The following VPS13A variants were observed in gnomAD, a reference collection of about 807,000 sequenced individuals.
VPS13A encodes intermembrane lipid transfer protein VPS13A.
Under a neutral mutation model 390.9 loss-of-function variants are expected in VPS13A, and 264 were observed. The ratio of observed to expected loss-of-function variants is 0.68; its 90% CI spans 0.61 to 0.75. The LOEUF is 0.75. Among genes scored for constraint, VPS13A ranks in the 30% least tolerant of loss-of-function variants. The pLI, the probability that VPS13A is intolerant of heterozygous loss-of-function variation, is 0.00. For synonymous variants in VPS13A, 1,231 were observed against 1,227.1 expected (o/e 1.00, Z -0.07); for missense variants, 3,409 against 3,733.9 (o/e 0.91, Z 2.27).
intron 67 of VPS13A, among the ~76,000 whole-genome samples, chr9:77,380,984 T>C (rs1260897559): frequency 5.3e-5 from 8 of 152,224 alleles, no homozygotes; most frequent in Admixed American, 5.2e-4. Context: ...GGACCGGTAC[T>C]GGTTCAAGTC....
In VPS13A at chr9:77,297,690, C is replaced by T. The variant is rs952351123; in HGVS notation, c.3812+1844C>T. ...GCATTTATTAAGCACCAAATCTATCCCAGGCATTGTGCTAAGAATAAGAAA... is the reference window on the plus strand; with the variant it reads ...GCATTTATTAAGCACCAAATCTATCTCAGGCATTGTGCTAAGAATAAGAAA... On this transcript the variant is annotated intron_variant, in intron 33 of 71. Transcript: ENST00000360280. Among the ~76,000 whole-genome samples, 3 of 151,216 alleles carry T rather than the reference C, an allele frequency of 2.0e-5. No homozygotes were observed. In the Admixed American group the frequency reaches 2.0e-4, roughly 10 times the overall value.
At chr9:77,328,476 C>T (rs1302595190) in intron 45 of VPS13A, among the ~76,000 whole-genome samples, 1 of 152,244 alleles carries the variant, frequency 6.6e-6, no homozygotes, top group Non-Finnish European at 1.5e-5. Flanking sequence ...AGCTTTGAAG[C>T]TAAGCATTGA....
chr9:77,287,712 T>C (rs1827414313), intron 31 of VPS13A, among the ~76,000 whole-genome samples: 1 of 152,188 alleles, frequency 6.6e-6, no homozygotes, highest in Admixed American at 6.5e-5. Context: ...ATCTGAGCTG[T>C]GGATTTGAGC....
chr9:77,401,530 C>T (rs555257290), intron 68 of VPS13A, among the ~76,000 whole-genome samples: 1 of 152,192 alleles, frequency 6.6e-6, no homozygotes, highest in Admixed American at 6.5e-5. Flanking sequence ...ATTAAACTTA[C>T]ATGTAAATAT....
intron 31 of VPS13A, among the ~76,000 whole-genome samples, chr9:77,289,076 T>G (rs1293320180): frequency 6.6e-6 from 1 of 152,148 alleles, no homozygotes; most frequent in East Asian, 1.9e-4. Flanking sequence ...CTTTAGCTTT[T>G]AATGGATGTT....
chr9:77,409,072 C>T (rs967575777), intron 71 of VPS13A, among the ~76,000 whole-genome samples: 4 of 152,210 alleles, frequency 2.6e-5, no homozygotes, highest in Non-Finnish European at 5.9e-5. Flanking sequence ...ACACCTCACA[C>T]GGCCAGGTAC....
chr9:77,303,110 A>G (rs548340283), intron 34 of VPS13A, 48 bp downstream of exon 34: 95 of 1,605,128 alleles, frequency 5.9e-5, no homozygotes, highest in Non-Finnish European at 7.9e-5. Flanking sequence ...TTGTTGAAAA[A>G]TACTGCTTGG....
chr9:77,351,413 T>G lies in VPS13A; in HGVS notation c.7386T>G (p.Cys2462Trp). ...GCTCTAGAAGGCTGAAGTGGAGATG[T>G]AGAAAAAGCCATGGTGAAGTAACAC... is the stretch of plus-strand genomic sequence containing the variant. ...PVGSRRLKWR[C>W]RKSHGEVTQK... Residue 2462 changes from cysteine to tryptophan, a missense_variant, in exon 53 of 72, where the codon TGT becomes TGG. Cys to Trp is a radical substitution (Grantham distance 215). Around this residue, in one of 5 missense-constraint regions of VPS13A, gnomAD observed 2,717 missense variants for 2,917.4 expected, o/e 0.93. Transcript: ENST00000360280. The G allele has an allele frequency of 6.2e-7, 1 of 1,613,918 alleles. No homozygotes were observed. Among genetic ancestry groups the G allele is most frequent in the Non-Finnish European group, 8.5e-7 (1 of 1,179,850 alleles).
intron 33 of VPS13A, among the ~76,000 whole-genome samples, chr9:77,302,364 T>C (rs998607146): frequency 5.7e-5 from 8 of 140,276 alleles, no homozygotes; most frequent in African/African-American, 1.9e-4. Context: ...TACATATTTT[T>C]CCCCTTTTTT....
At chr9:77,207,241 A>ATG (rs1564630374) in intron 5 of VPS13A, among the ~76,000 whole-genome samples, 3,625 of 110,686 alleles carry the variant, frequency 0.033, 291 homozygotes, top group East Asian at 0.13. Flanking sequence ...ATATATATAT[A>ATG]TATATATATA....
intron 47 of VPS13A, 126 bp from the exon 48 acceptor site, chr9:77,339,390 C>A: frequency 1.1e-6 from 1 of 872,012 alleles, no homozygotes; most frequent in Non-Finnish European, 1.7e-6. Flanking sequence ...TGTAAGTCTT[C>A]TGACTTGTTC....
chr9:77,397,376 A>G (rs1587717386), intron 68 of VPS13A, among the ~76,000 whole-genome samples: 1 of 152,012 alleles, frequency 6.6e-6, no homozygotes, highest in African/African-American at 2.4e-5. Flanking sequence ...CATGAGTCAG[A>G]TATTGATTAG....
Position 77,314,560 on chromosome 9 carries a change from A to C in VPS13A, c.4308A>C (p.Ile1436=), listed in dbSNP as rs766337714. The part of the protein sequence containing the change: ...KLAEFKLENI[I]STLKMYTDGS... Reference sequence around the variant, plus strand: ...CTGAATTTAAATTGGAGAATATTATAAGTACTTTAAAAATGTATACAGATG... The same window carrying C: ...CTGAATTTAAATTGGAGAATATTATCAGTACTTTAAAAATGTATACAGATG... Residue 1436 remains isoleucine, a synonymous_variant, in exon 37 of 72, where the codon ATA becomes ATC. Coordinates refer to ENST00000360280, the MANE Select transcript of VPS13A (RefSeq NM_033305.3). The C allele has an allele frequency of 1.2e-6, 2 of 1,610,904 alleles. No homozygotes were observed. Among genetic ancestry groups the C allele is most frequent in the South Asian group, 2.2e-5 (2 of 90,928 alleles).
At chr9:77,195,673 G>A (rs898807994) in intron 1 of VPS13A, among the ~76,000 whole-genome samples, 3 of 152,246 alleles carry the variant, frequency 2.0e-5, no homozygotes, top group Admixed American at 1.3e-4. Flanking sequence ...GGAGGCGGAG[G>A]TTGCAGTGAG....
At position 77,390,572 on chromosome 9, in the gene VPS13A, G is replaced by A. The variant is rs117283280; in HGVS notation, c.9189+8485G>A. On this transcript the variant is annotated intron_variant, in intron 68 of 71. Transcript: ENST00000360280. The stretch of plus-strand genomic sequence containing the variant: ...CCTCTGGTGGTGATGATTCCACTTC[G>A]TGGAGGTTCAGGTTTTTTCTTTCAT... Among the ~76,000 whole-genome samples the A allele has an allele frequency of 8.7e-3, 1,328 of 152,104 alleles. 12 individuals are homozygous for A. Among genetic ancestry groups the A allele is most frequent in the Non-Finnish European group, 0.014 (922 of 67,994 alleles).
chr9:77,279,444 C>T (rs1826888628), intron 26 of VPS13A, among the ~76,000 whole-genome samples: 2 of 152,064 alleles, frequency 1.3e-5, no homozygotes, highest in South Asian at 2.1e-4. Flanking sequence ...CTCTGCTCTT[C>T]TCAATGCTCA....
chr9:77,309,339 A>G (rs1420653796), intron 35 of VPS13A, among the ~76,000 whole-genome samples: 1 of 152,232 alleles, frequency 6.6e-6, no homozygotes, highest in Non-Finnish European at 1.5e-5. Context: ...GTTTTAGTTC[A>G]GAAGGTCCAA....
intron 69 of VPS13A, 54 bp from the exon 70 acceptor site, chr9:77,405,810 G>GAT (rs1416262804): frequency 1.2e-6 from 2 of 1,604,722 alleles, no homozygotes; most frequent in African/African-American, 2.7e-5. Flanking sequence ...GTTGTTATTG[G>GAT]ATATAAGTGC....
At chr9:77,269,471 G>A (rs1261112638) in intron 23 of VPS13A, among the ~76,000 whole-genome samples, 3 of 152,148 alleles carry the variant, frequency 2.0e-5, no homozygotes, top group African/African-American at 7.2e-5. Context: ...TTGAAATCCA[G>A]AAAGGTTAGT....
Sources: allele counts gnomAD v4.1 joint callset (sites outside exome capture counted in the v4.1 genomes callset), GRCh38; gene constraint gnomAD v4.1.1; regional missense constraint gnomAD v4.1.1; transcripts MANE v1.5; gene names NCBI Gene and HGNC (gene_info 2026-07-23, HGNC 2026-07-21).